ARHGEF18: variants seen among roughly 807,000 people sequenced by gnomAD.
The protein encoded by ARHGEF18 is rho guanine nucleotide exchange factor 18.
Under a neutral mutation model 155.7 loss-of-function variants are expected in ARHGEF18, and 93 were observed. The observed-to-expected ratio is 0.60, with a 90% CI of 0.50 to 0.71. The LOEUF is 0.71. Ranked by LOEUF, ARHGEF18 falls within the 30% of genes least tolerant of loss-of-function variation. ARHGEF18 has a pLI of 0.00. For missense variants in ARHGEF18, 1,593 were observed against 1,816.1 expected, an observed-to-expected ratio of 0.88 and a Z score of 2.23; for synonymous variants, 742 against 753.1, an observed-to-expected ratio of 0.99 and a Z score of 0.24.
chr19:7,382,694 A>C (rs1465854546), intron 8 of ARHGEF18, 98 bp from the exon 9 acceptor site: 2 of 802,614 alleles, frequency 2.5e-6, no homozygotes, highest in South Asian at 6.6e-5. Context: ...AGGAGGCCAC[A>C]GGGAGACAGG....
rs999877950 is a variant in ARHGEF18 at position 7,451,154 on chromosome 19, T to G, written c.1743T>G (p.Ile581Met). The change falls in exon 16 of 29, where the codon ATT becomes ATG. Residue 581 changes from isoleucine to methionine, a missense_variant. Ile to Met is a conservative substitution (Grantham distance 10). Transcript: ENST00000668164. The stretch of plus-strand genomic sequence containing the variant: ...TCTTGCTTTCTGTTTCCTAGAAAAT[T>G]GGCAACTTCTCCATCGTGCGGCGGC... ...NKKFQNLIKK[I>M]GNFSIVRRLG... 1.4e-6 allele frequency: 2 copies of G among 1,469,768 alleles called. No individual in the cohort carries two copies. The highest frequency in any genetic ancestry group is 5.0e-5 in the East Asian group (2 of 40,088). 91.0% of individuals were successfully genotyped at this position (1,469,768 alleles called of 1,614,324 possible).
chr19:7,360,629 G>A (rs1239994564), intron 1 of ARHGEF18, among the ~76,000 whole-genome samples: 1 of 152,124 alleles, frequency 6.6e-6, no homozygotes, highest in Non-Finnish European at 1.5e-5. Flanking sequence ...GAGGCCTCAG[G>A]CCTCCACAAG....
At position 7,367,846 on chromosome 19, in the gene ARHGEF18, A is replaced by ATATATACATATATATATAT. The variant is rs1969981760; in HGVS notation, c.15+4947_15+4948insCATATATATATATTATATA. 8.9e-5 allele frequency among the ~76,000 whole-genome samples: 5 copies of ATATATACATATATATATAT among 56,132 alleles called. 2 individuals are homozygous for ATATATACATATATATATAT. The highest frequency in any genetic ancestry group is 3.1e-4 in the African/African-American group (5 of 15,920). 36.8% of individuals were successfully genotyped at this position (56,132 alleles called of 152,430 possible). On this transcript the variant is annotated intron_variant, in intron 2 of 28. Transcript: ENST00000668164. ...ATATATACACATATATATATTTTAT[A>ATATATACATATATATATAT]TATATATATACACATATATATTTTT...
intron 7 of ARHGEF18, 136 bp from the exon 8 acceptor site, chr19:7,380,781 A>G (rs997942515): frequency 1.0e-4 from 45 of 441,908 alleles, no homozygotes; most frequent in Middle Eastern, 5.9e-4. Flanking sequence ...AATGTCTCAT[A>G]TACAAGCCCA....
chr19:7,415,853 G>A (rs1362325547), intron 10 of ARHGEF18, among the ~76,000 whole-genome samples: 2 of 152,006 alleles, frequency 1.3e-5, no homozygotes, highest in Admixed American at 6.6e-5. Context: ...TTGCTGGATC[G>A]GATGGTAATT....
In ARHGEF18 at chr19:7,467,256, G is replaced by GCT; in HGVS notation, c.3053_3054dup (p.Ala1019LeufsTer163). 6.4e-7 allele frequency: 1 copy of GCT among 1,570,538 alleles called. No homozygotes were observed. Among genetic ancestry groups the GCT allele is most frequent in the Non-Finnish European group, 8.6e-7 (1 of 1,159,640 alleles). ...GGACAGCTATGTGGAGACGCAGCGG[G>GCT]CTGCCATCCAGGAGCGGGAGAAGCA... On this transcript the variant is annotated frameshift_variant, in exon 26 of 29. Coordinates refer to ENST00000668164, the MANE Select transcript of ARHGEF18 (RefSeq NM_001367823.1). LOFTEE classifies it high-confidence loss of function.
intron 10 of ARHGEF18, among the ~76,000 whole-genome samples, chr19:7,399,291 C>T (rs534036459): frequency 6.6e-6 from 1 of 152,038 alleles, no homozygotes; most frequent in Admixed American, 6.6e-5. Context: ...AAAATAATGT[C>T]CTCCGAGAGC....
intron 1 of ARHGEF18, among the ~76,000 whole-genome samples, chr19:7,357,306 T>C (rs1437664522): frequency 6.6e-6 from 1 of 152,226 alleles, no homozygotes; most frequent in African/African-American, 2.4e-5. Context: ...AGTGTCTGCC[T>C]GTGACCCAGG....
At chr19:7,385,997 C>CCTCTCTCTTTCT (rs1568286221) in intron 10 of ARHGEF18, among the ~76,000 whole-genome samples, 2 of 108,724 alleles carry the variant, frequency 1.8e-5, no homozygotes, top group Non-Finnish European at 3.8e-5. Context: ...TCTCTCTCTC[C>CCTCTCTCTTTCT]CTCTCTCTTT....
At chr19:7,409,593 A>AATTTTTGT (rs1053076228) in intron 10 of ARHGEF18, among the ~76,000 whole-genome samples, 1 of 150,482 alleles carries the variant, frequency 6.6e-6, no homozygotes, top group Non-Finnish European at 1.5e-5. Context: ...ACCTCCAGCT[A>AATTTTTGT]ATTTTTGTAT....
At chr19:7,351,429 TTCTCC>T (rs1273417504) in intron 1 of ARHGEF18, among the ~76,000 whole-genome samples, 1 of 151,722 alleles carries the variant, frequency 6.6e-6, no homozygotes, top group Admixed American at 6.6e-5. Context: ...GTTCACGCCA[TTCTCC>T]TGCCTCAGCC....
intron 10 of ARHGEF18, 89 bp downstream of exon 10, chr19:7,383,292 G>C: frequency 1.6e-6 from 2 of 1,219,134 alleles, no homozygotes; most frequent in Non-Finnish European, 1.0e-6. Flanking sequence ...GGTCTCTTTT[G>C]ATGTGTGCAT....
rs1325117985 is a variant in ARHGEF18 at position 7,409,121 on chromosome 19, G to A, written c.967+25918G>A. Among the ~76,000 whole-genome samples, 6 of 144,738 alleles carry A rather than the reference G, an allele frequency of 4.1e-5. No individual in the cohort carries two copies. The East Asian group carries it at 8.3e-4, about 20-fold the overall frequency. The allele number at this position is 144,738 out of a possible 152,430, so 95.0% of individuals were successfully genotyped here. ...GTCGCCCAGGCTGGAGTGCAGTGGC[G>A]TGTTCTCGGCTCACTGCAAGCTCCG... On this transcript the variant is annotated intron_variant, in intron 10 of 28. Transcript: ENST00000668164.
intron 10 of ARHGEF18, among the ~76,000 whole-genome samples, chr19:7,429,696 G>GC (rs201232475): frequency 1.3e-5 from 2 of 152,220 alleles, no homozygotes; most frequent in South Asian, 2.1e-4. Context: ...TCCCACAGAC[G>GC]CCCCCCAAGC....
chr19:7,384,362 T>C (rs1353935160), intron 10 of ARHGEF18, among the ~76,000 whole-genome samples: 1 of 152,106 alleles, frequency 6.6e-6, no homozygotes, highest in Non-Finnish European at 1.5e-5. Flanking sequence ...CAGGAATCAA[T>C]GGGTGAATGA....
At chr19:7,392,548 CA>C (rs1217390647) in intron 10 of ARHGEF18, 6 of 140,408 alleles carry the variant, frequency 4.3e-5, no homozygotes, top group Non-Finnish European at 9.4e-5. Flanking sequence ...GAAAAAAAAA[CA>C]AAAAAAAAAC....
Position 7,440,143 on chromosome 19 carries a change from C to T in ARHGEF18, c.968-201C>T, listed in dbSNP as rs1974535832. On this transcript the variant is annotated intron_variant, in intron 10 of 28. Coordinates refer to ENST00000668164, the MANE Select transcript of ARHGEF18 (RefSeq NM_001367823.1). This position sits in a 1 kb window ranked among gnomAD's most constrained non-coding sequence, Gnocchi z 5.4. ...TCCAAAAGCGGGGACAGGCACAGCG[C>T]GCTCCCCGGCCGCCCCGAGCTGTCT... 6.4e-7 allele frequency: 1 copy of T among 1,551,250 alleles called. No individual in the cohort carries two copies. Among genetic ancestry groups the T allele is most frequent in the Non-Finnish European group, 8.7e-7 (1 of 1,146,936 alleles).
intron 15 of ARHGEF18, among the ~76,000 whole-genome samples, chr19:7,450,910 G>T (rs1356436309): frequency 4.4e-3 from 7 of 1,586 alleles, no homozygotes; most frequent in African/African-American, 9.7e-3. Context: ...ACCTTTCTGA[G>T]ATGTTAATGC....
rs529682229 is a variant in ARHGEF18 at position 7,470,792 on chromosome 19, G to A, written c.*494G>A. On this transcript the variant is annotated 3_prime_UTR_variant, in exon 29 of 29. Transcript: ENST00000668164. This position sits in a 1 kb window ranked among gnomAD's most constrained non-coding sequence, Gnocchi z 5.9. Reference sequence around the variant, plus strand: ...GCACCAGGAGGGGCCAGGTGGCGTCGGCAGCATCTGTCCCCAGAATCAGGC... The same window carrying A: ...GCACCAGGAGGGGCCAGGTGGCGTCAGCAGCATCTGTCCCCAGAATCAGGC... 3.0e-5 allele frequency: 12 copies of A among 401,078 alleles called. No homozygotes were observed. Among genetic ancestry groups the A allele is most frequent in the African/African-American group, 2.0e-4 (10 of 48,784 alleles). The allele number at this position is 401,078 out of a possible 1,614,324, so 24.8% of individuals were successfully genotyped here.
Sources: allele counts gnomAD v4.1 joint callset (sites outside exome capture counted in the v4.1 genomes callset), GRCh38; gene constraint gnomAD v4.1.1; non-coding constraint Gnocchi (gnomAD v3.1); transcripts MANE v1.5; gene names NCBI Gene and HGNC (gene_info 2026-07-23, HGNC 2026-07-21).